Variants in THADA observed in about 807,000 individuals in gnomAD.
THADA encodes the protein THADA armadillo repeat containing, also known as tRNA (32-2'-O)-methyltransferase regulator THADA.
In THADA, 213 loss-of-function variants were observed where a neutral mutation model predicts 219.8. The observed-to-expected ratio is 0.97, with a 90% CI of 0.87 to 1.09. The LOEUF (loss-of-function observed/expected upper bound fraction) is 1.09, where lower values mean the gene tolerates loss of function less well. Among genes scored for constraint, THADA ranks in the 50% least tolerant of loss-of-function variants. The probability of loss-of-function intolerance (pLI) is 0.00; values close to 1 mark genes in which losing one functional copy is unlikely to be tolerated. For missense variants in THADA, 2,956 were observed against 2,311.3 expected (o/e 1.28, Z -5.72); for synonymous variants, 1,018 against 828.9 (o/e 1.23, Z -3.92).
chr2:43,281,729 G>A (rs1673388911), intron 35 of THADA, among the ~76,000 whole-genome samples: 2 of 151,410 alleles, frequency 1.3e-5, no homozygotes, highest in South Asian at 4.2e-4. Context: ...GAGCCACCAC[G>A]CCTGGCCTCT....
chr2:43,431,438 A>C (rs1679268075), intron 26 of THADA, among the ~76,000 whole-genome samples: 1 of 152,032 alleles, frequency 6.6e-6, no homozygotes. Flanking sequence ...TCTATTCTAG[A>C]ATTTCATATA....
chr2:43,577,001 G>A lies in THADA; in HGVS notation c.1037+21C>T, dbSNP rs1420681202. 3.8e-6 allele frequency: 6 copies of A among 1,596,286 alleles called. No homozygotes were observed. The African/African-American group carries it at 6.7e-5, about 18-fold the overall frequency. Reference sequence around the variant, plus strand: ...GTCTTACAAGTGAAACAAAATATGAGACGATAGCATCAAAACTCACTGTGA... The same window carrying A: ...GTCTTACAAGTGAAACAAAATATGAAACGATAGCATCAAAACTCACTGTGA... On this transcript the variant is annotated intron_variant, in intron 10 of 37. Coordinates refer to ENST00000405975, the MANE Select transcript of THADA (RefSeq NM_022065.5).
chr2:43,482,592 G>T (rs748571866), intron 26 of THADA, among the ~76,000 whole-genome samples: 2 of 152,116 alleles, frequency 1.3e-5, no homozygotes, highest in Admixed American at 6.5e-5. Context: ...ACAAACGCAG[G>T]AGTAGAAACC....
intron 24 of THADA, among the ~76,000 whole-genome samples, chr2:43,505,137 A>G (rs1689499577): frequency 6.6e-6 from 1 of 152,240 alleles, no homozygotes; most frequent in Admixed American, 6.5e-5. Flanking sequence ...TACAAAATGT[A>G]CATCAACGCA....
At chr2:43,407,319 C>T (rs994711286) in intron 28 of THADA, among the ~76,000 whole-genome samples, 2 of 152,196 alleles carry the variant, frequency 1.3e-5, no homozygotes, top group Non-Finnish European at 2.9e-5. Context: ...ATATATAACC[C>T]TACTATATAT....
chr2:43,346,911 G>T (rs112071591), intron 29 of THADA, among the ~76,000 whole-genome samples: 1,760 of 152,288 alleles, frequency 0.012, 12 homozygotes, highest in Middle Eastern at 0.024. Flanking sequence ...AATTCAACAA[G>T]CATTTGCCAA....
intron 25 of THADA, among the ~76,000 whole-genome samples, 168 bp downstream of exon 25, chr2:43,498,665 G>T (rs551749192): frequency 6.6e-6 from 1 of 151,968 alleles, no homozygotes; most frequent in African/African-American, 2.4e-5. Flanking sequence ...AGTGAAAATG[G>T]AACCATGAAA....
At chr2:43,457,951 A>T (rs1428772235) in intron 26 of THADA, among the ~76,000 whole-genome samples, 1 of 152,140 alleles carries the variant, frequency 6.6e-6, no homozygotes, top group African/African-American at 2.4e-5. Context: ...GTGATAGGGG[A>T]TATCCTTACA....
At chr2:43,485,438 C>A (rs1048993091) in intron 25 of THADA, 113 bp from the exon 26 acceptor site, 7 of 711,150 alleles carry the variant, frequency 9.8e-6, no homozygotes, top group African/African-American at 1.8e-5. Flanking sequence ...TAGTGTGAGG[C>A]TAAAAAGACA....
At chr2:43,562,082 C>G (rs1038908831) in intron 15 of THADA, 1 of 152,158 alleles carries the variant, frequency 6.6e-6, no homozygotes, top group African/African-American at 2.4e-5. Context: ...CCTTACATTC[C>G]TGGGATAAAT....
rs58921698 is a variant in THADA at position 43,432,128 on chromosome 2, T to C, written c.3837-1826A>G. On this transcript the variant is annotated intron_variant, in intron 26 of 37. Transcript: ENST00000405975. The stretch of plus-strand genomic sequence containing the variant: ...GCCTCGGCCTCCCAAAGTGCTGGGA[T>C]TACAGGCGTGAGCCACCGCGCCCGG... Among the ~76,000 whole-genome samples, 933 of 118,124 alleles carry C rather than the reference T, an allele frequency of 7.9e-3. 145 individuals carry two copies. The highest frequency in any genetic ancestry group is 0.038 in the African/African-American group (899 of 23,798). 77.5% of individuals were successfully genotyped at this position (118,124 alleles called of 152,430 possible).
intron 30 of THADA, among the ~76,000 whole-genome samples, chr2:43,324,026 T>C (rs1439841820): frequency 1.3e-5 from 2 of 152,172 alleles, no homozygotes; most frequent in African/African-American, 4.8e-5. Flanking sequence ...AGTGTAATAA[T>C]TGACTGCCTG....
chr2:43,328,228 A>T (rs1442940353), intron 30 of THADA, among the ~76,000 whole-genome samples: 1 of 152,194 alleles, frequency 6.6e-6, no homozygotes, highest in Non-Finnish European at 1.5e-5. Context: ...ATATATATTT[A>T]AACAAGTCAT....
intron 22 of THADA, among the ~76,000 whole-genome samples, chr2:43,514,811 T>C (rs1437797626): frequency 2.1e-5 from 2 of 93,362 alleles, no homozygotes; most frequent in Non-Finnish European, 3.7e-5. Flanking sequence ...ATATATTTTA[T>C]ATATAATAAT....
At chr2:43,331,922 C>CACACACACACACACACAG (rs1665823394) in intron 30 of THADA, among the ~76,000 whole-genome samples, 1 of 151,530 alleles carries the variant, frequency 6.6e-6, no homozygotes, top group African/African-American at 2.4e-5. Context: ...ATCTAATACA[C>CACACACACACACACACAG]ACACACACAC....
At chr2:43,594,775 C>A (rs1054428924) in intron 1 of THADA, among the ~76,000 whole-genome samples, 1 of 152,150 alleles carries the variant, frequency 6.6e-6, no homozygotes, top group African/African-American at 2.4e-5. Flanking sequence ...ATCTCTGCCC[C>A]TTAATGTTCA....
Position 43,394,115 on chromosome 2 carries a change from C to A in THADA, c.4227+3856G>T, listed in dbSNP as rs1673736389. ...ATGAGGTAATGTCCATGGCTCTTAT[C>A]TAGCCTTTATTGAGATTTAATGTCA... is the stretch of plus-strand genomic sequence containing the variant. On this transcript the variant is annotated intron_variant, in intron 29 of 37. Transcript: ENST00000405975. Among the ~76,000 whole-genome samples the A allele has an allele frequency of 3.3e-5, 5 of 152,354 alleles. No homozygotes were observed. The South Asian group carries it at 1.0e-3, about 32-fold the overall frequency.
chr2:43,577,166 C>A lies in THADA; in HGVS notation c.893G>T (p.Cys298Phe). 6.2e-7 allele frequency: 1 copy of A among 1,609,586 alleles called. No homozygotes were observed. The highest frequency in any genetic ancestry group is 8.5e-7 in the Non-Finnish European group (1 of 1,178,142). The change falls in exon 10 of 38, where the codon TGT (cysteine) becomes TTT (phenylalanine). Residue 298 changes from cysteine to phenylalanine, a missense_variant. Cys to Phe is a radical substitution (Grantham distance 205). Transcript: ENST00000405975. Reference sequence around the variant, plus strand: ...AGCTGACTGAGAGATGTCACCACAACAGAGGCTCCTGCAGCTGCTCATAAA... The same window carrying A: ...AGCTGACTGAGAGATGTCACCACAAAAGAGGCTCCTGCAGCTGCTCATAAA... ...EWFMSSCRSLCCGDISQSAVL... is the reference protein window; with the variant it reads ...EWFMSSCRSLFCGDISQSAVL...
intron 26 of THADA, among the ~76,000 whole-genome samples, chr2:43,456,607 C>G (rs1683027617): frequency 6.6e-6 from 1 of 150,740 alleles, no homozygotes; most frequent in Non-Finnish European, 1.5e-5. Flanking sequence ...ATTTTGTTTT[C>G]TATAAAATGG....
Sources: gnomAD v4.1 joint callset for allele counts (sites outside exome capture counted in the v4.1 genomes callset) on GRCh38, gnomAD v4.1.1 for gene constraint, MANE v1.5 for transcripts, NCBI Gene and HGNC (gene_info 2026-07-23, HGNC 2026-07-21) for gene names.